Variants in ADCY2 observed in about 807,000 individuals in gnomAD.
ADCY2 encodes the protein adenylate cyclase type 2.
Under a neutral mutation model 125.2 loss-of-function variants are expected in ADCY2, and 31 were observed. The ratio of observed to expected loss-of-function variants is 0.25; its 90% confidence interval spans 0.19 to 0.33. The LOEUF (loss-of-function observed/expected upper bound fraction) is 0.33, where lower values mean the gene tolerates loss of function less well. Among genes scored for constraint, ADCY2 ranks in the 10% least tolerant of loss-of-function variants. ADCY2 has a pLI of 1.00. For synonymous variants in ADCY2, 512 were observed against 548.4 expected, an observed-to-expected ratio of 0.93 and a Z score of 0.93; for missense variants, 904 against 1,418.2, an observed-to-expected ratio of 0.64 and a Z score of 5.82.
intron 15 of ADCY2, among the ~76,000 whole-genome samples, chr5:7,754,845 G>A (rs1304358293): frequency 1.3e-5 from 2 of 151,394 alleles, no homozygotes; most frequent in African/African-American, 4.9e-5. Flanking sequence ...TGGTGAGAGA[G>A]CAAGACTCCG....
At chr5:7,408,062 G>A (rs988907988) in intron 1 of ADCY2, among the ~76,000 whole-genome samples, 2 of 151,646 alleles carry the variant, frequency 1.3e-5, no homozygotes, top group South Asian at 4.2e-4. Context: ...AGTAGAGACG[G>A]GGTTTCACCA....
At chr5:7,695,183 C>T (rs932379846) in intron 5 of ADCY2, among the ~76,000 whole-genome samples, 11 of 152,208 alleles carry the variant, frequency 7.2e-5, no homozygotes, top group Admixed American at 1.3e-4. Context: ...CACTCGCCTT[C>T]CCTAGTGTGT....
At chr5:7,817,004 G>C (rs184545117) in intron 23 of ADCY2, 24 bp downstream of exon 23, 1 of 1,576,194 alleles carries the variant, frequency 6.3e-7, no homozygotes. Context: ...AAGAGGTCTC[G>C]GTTTCAGTTG....
rs73046385 is a variant in ADCY2, at chr5:7,531,807, G to C, written c.570+10908G>C. 5.8e-3 allele frequency among the ~76,000 whole-genome samples: 878 copies of C among 152,290 alleles called. 9 individuals carry two copies. The highest frequency in any genetic ancestry group is 0.02 in the African/African-American group (813 of 41,548). ...CAGCATACTTAATTATTTCTGCAAA[G>C]ACCTTATTCCAAAAGAGTCATATTT... On this transcript the variant is annotated intron_variant, in intron 3 of 24. Transcript: ENST00000338316.
At chr5:7,434,720 T>C (rs2126384177) in intron 2 of ADCY2, among the ~76,000 whole-genome samples, 1 of 152,304 alleles carries the variant, frequency 6.6e-6, no homozygotes, top group East Asian at 1.9e-4. Context: ...CCTCTGACTA[T>C]TTGTGAGTTT....
chr5:7,681,108 G>T (rs1051989705), intron 4 of ADCY2, among the ~76,000 whole-genome samples: 4 of 150,174 alleles, frequency 2.7e-5, no homozygotes, highest in African/African-American at 9.8e-5. Context: ...CAGGCTTTCC[G>T]CTTTCTGATG....
intron 10 of ADCY2, among the ~76,000 whole-genome samples, chr5:7,711,450 A>G (rs1265384576): frequency 1.3e-5 from 2 of 152,192 alleles, no homozygotes. Context: ...GTTTTTAAGG[A>G]ATAAGAATCA....
intron 2 of ADCY2, among the ~76,000 whole-genome samples, chr5:7,434,937 A>C (rs1740740632): frequency 6.6e-6 from 1 of 152,204 alleles, no homozygotes; most frequent in African/African-American, 2.4e-5. Flanking sequence ...CTTTCATCCA[A>C]ATGCCAATTT....
At chr5:7,553,151 G>T (rs1735390703) in intron 3 of ADCY2, among the ~76,000 whole-genome samples, 1 of 152,218 alleles carries the variant, frequency 6.6e-6, no homozygotes, top group South Asian at 2.1e-4. Flanking sequence ...AACCATTTAA[G>T]TTAGCATTTC....
At chr5:7,650,584 T>A (rs2126681653) in intron 4 of ADCY2, among the ~76,000 whole-genome samples, 1 of 152,266 alleles carries the variant, frequency 6.6e-6, no homozygotes. Context: ...CTGAGCCCAC[T>A]GCGTGGGAGC....
At chr5:7,624,267 G>C (rs1409196153) in intron 3 of ADCY2, among the ~76,000 whole-genome samples, 2 of 152,190 alleles carry the variant, frequency 1.3e-5, no homozygotes, top group Non-Finnish European at 2.9e-5. Flanking sequence ...AACCCTTTGA[G>C]AGATAGACCA....
At chr5:7,696,618 T>C (rs1159856400) in intron 6 of ADCY2, among the ~76,000 whole-genome samples, 2 of 152,236 alleles carry the variant, frequency 1.3e-5, no homozygotes, top group Admixed American at 6.5e-5. Flanking sequence ...AAATGCTTCA[T>C]TATGCCTACT....
chr5:7,411,070 C>G (rs890233489), intron 1 of ADCY2, among the ~76,000 whole-genome samples: 2 of 152,204 alleles, frequency 1.3e-5, no homozygotes, highest in Non-Finnish European at 2.9e-5. Context: ...CGTACATCCT[C>G]TAGTGAATAC....
In ADCY2 at chr5:7,439,828, G is replaced by C. The variant is rs543086584; in HGVS notation, c.408+25058G>C. ...AAGAGCAGGAGGAGCTAAGCTGGCT[G>C]CAAGTTTTGAATGTGGCAGAGAGGA... On this transcript the variant is annotated intron_variant, in intron 2 of 24. Transcript: ENST00000338316. 1.5e-4 allele frequency among the ~76,000 whole-genome samples: 23 copies of C among 152,302 alleles called. 1 individual carries two copies. The South Asian group carries it at 4.8e-3, about 32-fold the overall frequency.
chr5:7,719,011 A>G (rs1338998379), intron 12 of ADCY2, among the ~76,000 whole-genome samples: 1 of 152,210 alleles, frequency 6.6e-6, no homozygotes, highest in Admixed American at 6.5e-5. Flanking sequence ...AATAACATTA[A>G]TATTTTAAAA....
intron 1 of ADCY2, among the ~76,000 whole-genome samples, chr5:7,413,698 C>G (rs1395868090): frequency 3.3e-5 from 5 of 150,818 alleles, no homozygotes; most frequent in African/African-American, 4.9e-5. Flanking sequence ...CCATAGTAAA[C>G]GCTGTCCATA....
intron 3 of ADCY2, among the ~76,000 whole-genome samples, chr5:7,592,113 G>T (rs59338954): frequency 1.3e-5 from 2 of 152,120 alleles, no homozygotes; most frequent in East Asian, 3.8e-4. Context: ...TGCACATATG[G>T]CTCTTTCTTC....
At chr5:7,513,320 A>G (rs553410936) in intron 2 of ADCY2, among the ~76,000 whole-genome samples, 7 of 152,328 alleles carry the variant, frequency 4.6e-5, no homozygotes, top group African/African-American at 1.4e-4. Flanking sequence ...TATTTGTATG[A>G]AAAGAACTTG....
intron 12 of ADCY2, among the ~76,000 whole-genome samples, chr5:7,723,508 C>T (rs1405069352): frequency 1.3e-5 from 2 of 152,116 alleles, no homozygotes; most frequent in Non-Finnish European, 2.9e-5. Flanking sequence ...TGCATACTTC[C>T]ATATAATTTT....
Sources: gnomAD v4.1 joint callset for allele counts (sites outside exome capture counted in the v4.1 genomes callset) on GRCh38, gnomAD v4.1.1 for gene constraint, MANE v1.5 for transcripts, NCBI Gene and HGNC (gene_info 2026-07-23, HGNC 2026-07-21) for gene names.